The following IL1RAPL1 variants were observed in gnomAD, a reference collection of about 807,000 sequenced individuals.
IL1RAPL1 encodes the protein interleukin 1 receptor accessory protein like 1.
IL1RAPL1 carries 3 observed loss-of-function variants against 48.4 expected under a neutral mutation model. That is an observed-to-expected ratio of 0.06 (90% confidence interval 0.03 to 0.16). IL1RAPL1 has a LOEUF of 0.16. IL1RAPL1 is among the 10% of genes least tolerant of loss of function. The pLI is 1.00. For missense variants in IL1RAPL1, 349 were observed against 530.6 expected, an observed-to-expected ratio of 0.66 and a Z score of 3.36; for synonymous variants, 185 against 187.7, an observed-to-expected ratio of 0.99 and a Z score of 0.12.
intron 6 of IL1RAPL1, among the ~76,000 whole-genome samples, chrX:29,805,777 A>G (rs141396647): frequency 0.01 from 1,118 of 110,531 alleles, 12 homozygotes; most frequent in African/African-American, 0.034. Context: ...ATGAATGACA[A>G]GGATACAAAA....
intron 6 of IL1RAPL1, among the ~76,000 whole-genome samples, chrX:29,889,492 G>A (rs892418733): frequency 9.0e-6 from 1 of 111,511 alleles, no homozygotes; most frequent in Non-Finnish European, 1.9e-5. Context: ...ATGAAAAGAA[G>A]TGTCCAATAA....
intron 2 of IL1RAPL1, among the ~76,000 whole-genome samples, chrX:28,898,346 T>A (rs192041525): frequency 8.9e-6 from 1 of 112,270 alleles, no homozygotes; most frequent in African/African-American, 3.2e-5. Flanking sequence ...TAACTTAAGA[T>A]CACAAAAATT....
At chrX:29,158,910 T>TTCTTTTCTCTC (rs1555969872) in intron 2 of IL1RAPL1, among the ~76,000 whole-genome samples, 2 of 84,443 alleles carry the variant, frequency 2.4e-5, no homozygotes, top group Admixed American at 1.3e-4. Flanking sequence ...TTCTTTTCTT[T>TTCTTTTCTCTC]TCTCTCTCTC....
intron 1 of IL1RAPL1, among the ~76,000 whole-genome samples, chrX:28,768,776 T>TAC (rs1175693898): frequency 1.2e-5 from 1 of 80,964 alleles, no homozygotes; most frequent in African/African-American, 4.5e-5. Context: ...TATATATATA[T>TAC]ATACACACAC....
At chrX:29,305,390 G>A (rs1027419575) in intron 3 of IL1RAPL1, among the ~76,000 whole-genome samples, 5 of 111,932 alleles carry the variant, frequency 4.5e-5, no homozygotes, top group Non-Finnish European at 7.5e-5. Flanking sequence ...AACATTCATA[G>A]GGTTATGATG....
intron 2 of IL1RAPL1, among the ~76,000 whole-genome samples, chrX:29,077,644 A>G (rs933088058): frequency 9.0e-6 from 1 of 110,530 alleles, no homozygotes; most frequent in Non-Finnish European, 1.9e-5. Flanking sequence ...CCGAAAACCT[A>G]CCAAATAAGT....
At chrX:28,982,756 TG>T (rs1208544415) in intron 2 of IL1RAPL1, 13 of 111,806 alleles carry the variant, frequency 1.2e-4, no homozygotes, top group African/African-American at 4.2e-4. Context: ...TCAACCTTAC[TG>T]GTTCTTTGCT....
At chrX:29,082,533 T>C (rs1355355145) in intron 2 of IL1RAPL1, among the ~76,000 whole-genome samples, 1 of 112,149 alleles carries the variant, frequency 8.9e-6, no homozygotes, top group Non-Finnish European at 1.9e-5. Flanking sequence ...ATGAGCCATA[T>C]TACAGTTGTT....
At chrX:29,171,291 C>G (rs1483157340) in intron 2 of IL1RAPL1, among the ~76,000 whole-genome samples, 1 of 111,620 alleles carries the variant, frequency 9.0e-6, no homozygotes. Context: ...CCCGGTCATA[C>G]CAATTGTTTT....
intron 2 of IL1RAPL1, among the ~76,000 whole-genome samples, chrX:29,195,781 G>A (rs1930432144): frequency 9.1e-6 from 1 of 110,026 alleles, no homozygotes; most frequent in South Asian, 3.9e-4. Flanking sequence ...GGCTGGTCTC[G>A]AGCTCCTGAC....
chrX:28,779,538 G>T (rs1459768342), intron 1 of IL1RAPL1, among the ~76,000 whole-genome samples: 1 of 101,753 alleles, frequency 9.8e-6, no homozygotes, highest in African/African-American at 3.6e-5. Context: ...GATTTCTTTT[G>T]TTTAATTTCC....
At chrX:29,673,476 A>T (rs1223883974) in intron 6 of IL1RAPL1, among the ~76,000 whole-genome samples, 1 of 111,452 alleles carries the variant, frequency 9.0e-6, no homozygotes, top group Non-Finnish European at 1.9e-5. Flanking sequence ...ATTTTACCGG[A>T]TCATAGAGCA....
chrX:29,265,661 C>G (rs1298329372), intron 2 of IL1RAPL1, among the ~76,000 whole-genome samples: 1 of 87,052 alleles, frequency 1.1e-5, no homozygotes, highest in Non-Finnish European at 2.2e-5. Context: ...GTGATGTTCC[C>G]CTTCCTGTGT....
chrX:28,766,496 A>G (rs1035494548), intron 1 of IL1RAPL1, among the ~76,000 whole-genome samples: 2 of 111,590 alleles, frequency 1.8e-5, no homozygotes, highest in Middle Eastern at 4.2e-3. Flanking sequence ...ATCATGGAGA[A>G]TAGGGTATCC....
chrX:29,222,509 A>G (rs779743975), intron 2 of IL1RAPL1, among the ~76,000 whole-genome samples: 2 of 111,968 alleles, frequency 1.8e-5, no homozygotes, highest in Admixed American at 9.5e-5. Flanking sequence ...AGGACATATG[A>G]CTGACTACCT....
At chrX:29,109,626 A>T (rs1474828472) in intron 2 of IL1RAPL1, among the ~76,000 whole-genome samples, 1 of 111,100 alleles carries the variant, frequency 9.0e-6, no homozygotes, top group Non-Finnish European at 1.9e-5. Context: ...TCTCTTGCAT[A>T]TTAACCTTTA....
chrX:29,810,126 T>C lies in IL1RAPL1; in HGVS notation c.779-107338T>C, dbSNP rs776357623. ...TTTTCTCTTTGTGTTTAATTACATA[T>C]GATTTCACTATACATACATAGCAGC... On this transcript the variant is annotated intron_variant, in intron 6 of 10. Transcript: ENST00000378993. Among the ~76,000 whole-genome samples, 12 of 111,369 alleles carry C rather than the reference T, an allele frequency of 1.1e-4. No homozygotes were observed. The East Asian group carries it at 3.3e-3, about 31-fold the overall frequency.
At chrX:28,719,732 CA>C (rs1935547748) in intron 1 of IL1RAPL1, among the ~76,000 whole-genome samples, 1 of 110,686 alleles carries the variant, frequency 9.0e-6, no homozygotes, top group African/African-American at 3.3e-5. Flanking sequence ...TCAATTTTCC[CA>C]GCTTATTTCT....
intron 5 of IL1RAPL1, among the ~76,000 whole-genome samples, chrX:29,581,208 A>G (rs1347471058): frequency 8.9e-6 from 1 of 112,537 alleles, no homozygotes. Flanking sequence ...TAGCTTTTGG[A>G]TTTTATTTGT....
Sources: gnomAD v4.1 joint callset for allele counts (sites outside exome capture counted in the v4.1 genomes callset) on GRCh38, gnomAD v4.1.1 for gene constraint, MANE v1.5 for transcripts, NCBI Gene and HGNC (gene_info 2026-07-23, HGNC 2026-07-21) for gene names.